Variants in AFAP1 observed in about 807,000 individuals in gnomAD.
AFAP1 encodes the protein actin filament associated protein 1.
In AFAP1, 75 loss-of-function variants were observed where a neutral mutation model predicts 93.9. The observed-to-expected ratio is 0.80, with a 90% CI of 0.66 to 0.97. The LOEUF (loss-of-function observed/expected upper bound fraction) is 0.97. AFAP1 is among the 50% of genes least tolerant of loss of function. The pLI, the probability that AFAP1 is intolerant of heterozygous loss-of-function variation, is 0.00. For missense variants in AFAP1, 1,201 were observed against 1,050.8 expected (o/e 1.14, Z -1.98); for synonymous variants, 517 against 430.7 (o/e 1.20, Z -2.48).
At chr4:7,819,965 A>C (rs1447585643) in intron 6 of AFAP1, among the ~76,000 whole-genome samples, 1 of 152,262 alleles carries the variant, frequency 6.6e-6, no homozygotes, top group Non-Finnish European at 1.5e-5. Context: ...GGCCTAAAGC[A>C]TAACCAGCAC....
intron 1 of AFAP1, among the ~76,000 whole-genome samples, chr4:7,917,296 T>C (rs1397779148): frequency 6.6e-6 from 1 of 152,172 alleles, no homozygotes; most frequent in Non-Finnish European, 1.5e-5. Flanking sequence ...TGTAGACTGC[T>C]GAGTGGGGGT....
chr4:7,845,809 A>G (rs536908670), intron 4 of AFAP1, among the ~76,000 whole-genome samples: 17 of 152,228 alleles, frequency 1.1e-4, no homozygotes, highest in Non-Finnish European at 1.6e-4. Context: ...CAAGTCCCAC[A>G]TGTCAACTGG....
Position 7,798,219 on chromosome 4 carries a change from C to CTCTATTGGCTGGCTCACAGCATTGCAAT in AFAP1, c.1266+2222_1266+2223insATTGCAATGCTGTGAGCCAGCCAATAGA, listed in dbSNP as rs1718649308. Among the ~76,000 whole-genome samples the CTCTATTGGCTGGCTCACAGCATTGCAAT allele has an allele frequency of 1.9e-4, 18 of 94,946 alleles. 8 individuals carry two copies. Among genetic ancestry groups the CTCTATTGGCTGGCTCACAGCATTGCAAT allele is most frequent in the Admixed American group, 5.3e-4 (4 of 7,574 alleles). The allele number at this position is 94,946 out of a possible 152,430, so 62.3% of individuals were successfully genotyped here. ...TATTGGCTGGCTCACGGCACTGCAA[C>CTCTATTGGCTGGCTCACAGCATTGCAAT]TCTATTGGCTGGCTCACGGCACTGC... On this transcript the variant is annotated intron_variant, in intron 10 of 17. Coordinates refer to ENST00000420658, the MANE Select transcript of AFAP1 (RefSeq NM_001134647.2).
intron 6 of AFAP1, among the ~76,000 whole-genome samples, chr4:7,837,308 T>C (rs891764010): frequency 6.6e-6 from 1 of 152,154 alleles, no homozygotes; most frequent in African/African-American, 2.4e-5. Flanking sequence ...GATGGTGTTA[T>C]GACGCAGAAC....
chr4:7,933,509 G>A (rs1045212742), intron 1 of AFAP1, among the ~76,000 whole-genome samples: 6 of 152,270 alleles, frequency 3.9e-5, no homozygotes, highest in Admixed American at 2.0e-4. Flanking sequence ...AGAGGCAGAC[G>A]TTGCAGTGAG....
chr4:7,842,348 C>G (rs1439912186), intron 5 of AFAP1, among the ~76,000 whole-genome samples: 2 of 147,866 alleles, frequency 1.4e-5, no homozygotes, highest in African/African-American at 5.0e-5. Flanking sequence ...ATCTGCTCCA[C>G]TAGAGTGCTC....
intron 1 of AFAP1, among the ~76,000 whole-genome samples, chr4:7,922,810 C>A (rs190066141): frequency 2.0e-3 from 305 of 152,220 alleles, no homozygotes; most frequent in Non-Finnish European, 3.3e-3. Flanking sequence ...ACAGCAAGAC[C>A]CTGTCCTTAC....
intron 1 of AFAP1, among the ~76,000 whole-genome samples, chr4:7,909,735 G>A (rs1250809835): frequency 6.6e-6 from 1 of 152,158 alleles, no homozygotes; most frequent in Non-Finnish European, 1.5e-5. Context: ...AATTTTTACT[G>A]TATATCAGAA....
At chr4:7,937,096 T>C (rs1186206237) in intron 1 of AFAP1, among the ~76,000 whole-genome samples, 6 of 152,110 alleles carry the variant, frequency 3.9e-5, no homozygotes, top group Admixed American at 6.5e-5. Context: ...AACAAACCAA[T>C]TGGATATAGT....
chr4:7,817,840 G>A (rs929731939), intron 7 of AFAP1, among the ~76,000 whole-genome samples: 3 of 151,508 alleles, frequency 2.0e-5, no homozygotes, highest in Non-Finnish European at 2.9e-5. Flanking sequence ...TTGAACTCAG[G>A]AAAGAGTGGT....
intron 13 of AFAP1, among the ~76,000 whole-genome samples, chr4:7,781,109 T>C (rs995859373): frequency 2.0e-5 from 3 of 152,174 alleles, no homozygotes; most frequent in African/African-American, 7.2e-5. Context: ...TTGACATAAT[T>C]CACAAAATTT....
intron 10 of AFAP1, chr4:7,799,238 C>T (rs773998830): frequency 8.3e-5 from 19 of 229,236 alleles, no homozygotes; most frequent in Non-Finnish European, 1.4e-4. Context: ...GCTGCAAAAC[C>T]AGCCACGGGG....
At position 7,768,152 on chromosome 4, in the gene AFAP1, C is replaced by T. The variant is rs372148361; in HGVS notation, c.2418+692G>A. Reference sequence around the variant, plus strand: ...GGAGGACTCCCGTGTTCCAGCCCCTCGGGGCGGGGCCGGCCACACTCCTGT... The same window carrying T: ...GGAGGACTCCCGTGTTCCAGCCCCTTGGGGCGGGGCCGGCCACACTCCTGT... On this transcript the variant is annotated intron_variant, in intron 17 of 17. Transcript: ENST00000420658. Among the ~76,000 whole-genome samples the T allele has an allele frequency of 1.8e-4, 27 of 152,382 alleles. No individual in the cohort carries two copies. In the South Asian group the frequency reaches 2.1e-3, roughly 12 times the overall value.
At chr4:7,817,637 G>C (rs903951746) in intron 7 of AFAP1, among the ~76,000 whole-genome samples, 1 of 151,806 alleles carries the variant, frequency 6.6e-6, no homozygotes, top group African/African-American at 2.4e-5. Context: ...ACAACTAATG[G>C]GGGGGGCAGT....
chr4:7,918,318 G>C (rs973421112), intron 1 of AFAP1, among the ~76,000 whole-genome samples: 7 of 149,930 alleles, frequency 4.7e-5, no homozygotes, highest in African/African-American at 1.7e-4. Context: ...GAGACACTCA[G>C]CCCAGGTCAC....
chr4:7,760,385 C>A lies in AFAP1; in HGVS notation c.*3380G>T, dbSNP rs1013721632. 26 of 152,498 alleles carry A rather than the reference C, an allele frequency of 1.7e-4. No individual in the cohort carries two copies. The highest frequency in any genetic ancestry group is 6.0e-4 in the African/African-American group (25 of 41,462). The allele number at this position is 152,498 out of a possible 1,614,324, so 9.4% of individuals were successfully genotyped here. ...CTGGTAAGCCGCCGCCCGCCAGCCC[C>A]AAGGGAAGGTCTCAAGGAAGGCCCC... On this transcript the variant is annotated 3_prime_UTR_variant, in exon 18 of 18. Coordinates refer to ENST00000420658, the MANE Select transcript of AFAP1 (RefSeq NM_001134647.2).
intron 5 of AFAP1, among the ~76,000 whole-genome samples, chr4:7,839,762 AC>A (rs1419330862): frequency 6.6e-6 from 1 of 151,708 alleles, no homozygotes; most frequent in Non-Finnish European, 1.5e-5. Context: ...AGCTTCCCTT[AC>A]CCCCGTTTGT....
chr4:7,852,411 G>T (rs1414593871), intron 4 of AFAP1, among the ~76,000 whole-genome samples: 2 of 152,184 alleles, frequency 1.3e-5, no homozygotes, highest in African/African-American at 2.4e-5. Context: ...CAAAGAAGTG[G>T]CTCCTGCAGT....
chr4:7,895,895 T>TA (rs1446869439), intron 1 of AFAP1, among the ~76,000 whole-genome samples: 18 of 148,870 alleles, frequency 1.2e-4, no homozygotes, highest in African/African-American at 4.2e-4. Context: ...GTTTCACTCT[T>TA]ATGCCCAGGC....
Sources: allele counts gnomAD v4.1 joint callset (sites outside exome capture counted in the v4.1 genomes callset), GRCh38; gene constraint gnomAD v4.1.1; transcripts MANE v1.5; gene names NCBI Gene and HGNC (gene_info 2026-07-23, HGNC 2026-07-21).